The following PARVA variants were observed in gnomAD, a reference collection of about 807,000 sequenced individuals.
The protein encoded by PARVA is parvin alpha.
Under a neutral mutation model 52.6 loss-of-function variants are expected in PARVA, and 25 were observed. That is an observed-to-expected ratio of 0.48 (90% CI 0.35 to 0.66). The LOEUF is 0.66. Among genes scored for constraint, PARVA ranks in the 30% least tolerant of loss-of-function variants. The pLI is 0.01. For missense variants in PARVA, 373 were observed against 450.9 expected, an observed-to-expected ratio of 0.83 and a Z score of 1.56; for synonymous variants, 185 against 179.1, an observed-to-expected ratio of 1.03 and a Z score of -0.26.
At chr11:12,427,989 C>T (rs1940262144) in intron 1 of PARVA, among the ~76,000 whole-genome samples, 1 of 152,192 alleles carries the variant, frequency 6.6e-6, no homozygotes, top group African/African-American at 2.4e-5. Flanking sequence ...CACTGCATGC[C>T]CATCTCCAGG....
intron 1 of PARVA, among the ~76,000 whole-genome samples, chr11:12,405,507 T>G (rs1253463759): frequency 6.6e-6 from 1 of 152,070 alleles, no homozygotes; most frequent in Non-Finnish European, 1.5e-5. Context: ...AAGGCTGCAG[T>G]GAGCCGTGAG....
At chr11:12,513,817 G>A in intron 9 of PARVA, 180 bp from the exon 10 acceptor site, 1 of 616,504 alleles carries the variant, frequency 1.6e-6, no homozygotes, top group Non-Finnish European at 2.9e-6. Context: ...AGTCGAGCCT[G>A]TGGCCCTCCC....
intron 4 of PARVA, among the ~76,000 whole-genome samples, chr11:12,491,556 C>T (rs1373912031): frequency 6.6e-6 from 1 of 152,026 alleles, no homozygotes; most frequent in Non-Finnish European, 1.5e-5. Flanking sequence ...TTTTTTAAAG[C>T]TGGGGTAACT....
chr11:12,392,951 C>T (rs1362457629), intron 1 of PARVA, among the ~76,000 whole-genome samples: 1 of 146,372 alleles, frequency 6.8e-6, no homozygotes, highest in Non-Finnish European at 1.5e-5. Context: ...GAAATATTTC[C>T]TGTGAAGAAA....
chr11:12,378,302 G>GC (rs1161027408), intron 1 of PARVA, among the ~76,000 whole-genome samples: 6 of 152,208 alleles, frequency 3.9e-5, no homozygotes, highest in Non-Finnish European at 8.8e-5. Context: ...CGGCGTCGTG[G>GC]CTTTGGCCTC....
intron 3 of PARVA, among the ~76,000 whole-genome samples, chr11:12,476,581 T>C (rs1209000835): frequency 6.6e-6 from 1 of 151,942 alleles, no homozygotes; most frequent in Non-Finnish European, 1.5e-5. Context: ...TCCCAGCCTG[T>C]TGGGGCCTCT....
intron 3 of PARVA, 114 bp downstream of exon 3, chr11:12,474,097 G>C: frequency 1.2e-6 from 1 of 800,128 alleles, no homozygotes; most frequent in South Asian, 1.5e-5. Flanking sequence ...AAAAGTCATG[G>C]CAGCCCCTGC....
intron 1 of PARVA, among the ~76,000 whole-genome samples, chr11:12,441,258 C>A (rs1940461515): frequency 6.6e-6 from 1 of 152,066 alleles, no homozygotes; most frequent in Non-Finnish European, 1.5e-5. Flanking sequence ...TGAGTTCAGA[C>A]TATAGAGATG....
intron 1 of PARVA, among the ~76,000 whole-genome samples, chr11:12,381,660 A>G (rs2134941988): frequency 6.6e-6 from 1 of 152,344 alleles, no homozygotes; most frequent in East Asian, 1.9e-4. Flanking sequence ...CAATCAACAC[A>G]TATTTTGTAT....
chr11:12,391,341 A>G (rs576757035), intron 1 of PARVA, among the ~76,000 whole-genome samples: 15 of 152,330 alleles, frequency 9.8e-5, no homozygotes, highest in African/African-American at 3.4e-4. Context: ...TGAATTGGCT[A>G]GATGGCAATT....
At chr11:12,498,774 C>T (rs1564863075) in intron 5 of PARVA, among the ~76,000 whole-genome samples, 1 of 151,764 alleles carries the variant, frequency 6.6e-6, no homozygotes, top group Non-Finnish European at 1.5e-5. Context: ...AGGAATTCGC[C>T]ATGGCCAGGC....
intron 4 of PARVA, chr11:12,480,901 T>C (rs1401313439): frequency 1.3e-5 from 2 of 152,032 alleles, no homozygotes; most frequent in Non-Finnish European, 2.9e-5. Flanking sequence ...GTTTGTTTTC[T>C]TTTTTTAACG....
At chr11:12,488,419 G>C (rs887542297) in intron 4 of PARVA, among the ~76,000 whole-genome samples, 2 of 152,166 alleles carry the variant, frequency 1.3e-5, no homozygotes, top group African/African-American at 2.4e-5. Context: ...AGAACAAGAA[G>C]GAAGTATAAA....
At chr11:12,423,489 G>A (rs1422213136) in intron 1 of PARVA, among the ~76,000 whole-genome samples, 1 of 150,802 alleles carries the variant, frequency 6.6e-6, no homozygotes, top group Admixed American at 6.6e-5. Flanking sequence ...TATGATATTC[G>A]AGTTCACCTA....
chr11:12,478,388 G>A (rs1462000414), intron 4 of PARVA: 2 of 296,270 alleles, frequency 6.8e-6, no homozygotes, highest in Non-Finnish European at 6.6e-6. Flanking sequence ...GTGTGTGTGT[G>A]TATTCCTCCC....
intron 1 of PARVA, among the ~76,000 whole-genome samples, chr11:12,469,938 T>C (rs1330441312): frequency 6.6e-6 from 1 of 152,204 alleles, no homozygotes; most frequent in Non-Finnish European, 1.5e-5. Flanking sequence ...AATATTGCGT[T>C]TCTAGTCACA....
At chr11:12,462,493 G>A (rs147011322) in intron 1 of PARVA, among the ~76,000 whole-genome samples, 31 of 152,142 alleles carry the variant, frequency 2.0e-4, no homozygotes, top group Admixed American at 3.9e-4. Flanking sequence ...TGGATTACCC[G>A]CTAAGCCAGT....
At chr11:12,496,342 G>T in intron 4 of PARVA, 116 bp from the exon 5 acceptor site, 1 of 1,092,904 alleles carries the variant, frequency 9.1e-7, no homozygotes, top group Non-Finnish European at 1.3e-6. Flanking sequence ...ATCTATTGTT[G>T]CAAGAGTGCA....
chr11:12,400,490 C>CT (rs1349732505), intron 1 of PARVA, among the ~76,000 whole-genome samples: 1 of 152,198 alleles, frequency 6.6e-6, no homozygotes, highest in Non-Finnish European at 1.5e-5. Flanking sequence ...AGATCCTTCT[C>CT]TTTTTCTCTG....
Sources: gnomAD v4.1 joint callset for allele counts (sites outside exome capture counted in the v4.1 genomes callset) on GRCh38, gnomAD v4.1.1 for gene constraint, MANE v1.5 for transcripts, NCBI Gene and HGNC (gene_info 2026-07-23, HGNC 2026-07-21) for gene names.